Variants in ANK3 observed in about 807,000 individuals in gnomAD.
ANK3 encodes ankyrin-3.
A neutral mutation model predicts 370.9 loss-of-function variants in ANK3; 57 were observed. The ratio of observed to expected loss-of-function variants is 0.15; its 90% confidence interval spans 0.12 to 0.19. The LOEUF (loss-of-function observed/expected upper bound fraction) is 0.19. Among genes scored for constraint, ANK3 ranks in the 10% least tolerant of loss-of-function variants. ANK3 has a pLI of 1.00. For missense variants in ANK3, 4,439 were observed against 5,302.1 expected (o/e 0.84, Z 5.06); for synonymous variants, 1,929 against 1,946.3 (o/e 0.99, Z 0.23).
At chr10:60,427,057 T>C (rs571377309) in intron 2 of ANK3, among the ~76,000 whole-genome samples, 1 of 152,208 alleles carries the variant, frequency 6.6e-6, no homozygotes, top group South Asian at 2.1e-4. Context: ...AAATTGCAAG[T>C]GATAAAGAAG....
chr10:60,285,919 C>T (rs975751735), intron 1 of ANK3, among the ~76,000 whole-genome samples: 5 of 152,146 alleles, frequency 3.3e-5, no homozygotes, highest in African/African-American at 9.6e-5. Context: ...CTCTGATTAC[C>T]TTTTTTTCTT....
chr10:60,057,543 A>C (rs2079450916), intron 41 of ANK3, among the ~76,000 whole-genome samples: 1 of 152,138 alleles, frequency 6.6e-6, no homozygotes, highest in African/African-American at 2.4e-5. Context: ...GCATACTGTG[A>C]AGATCCTGTA....
At chr10:60,319,275 C>T (rs2048117764) in intron 1 of ANK3, among the ~76,000 whole-genome samples, 1 of 152,146 alleles carries the variant, frequency 6.6e-6, no homozygotes, top group African/African-American at 2.4e-5. Flanking sequence ...ATGTAAGGTA[C>T]TCTGGGCAGG....
intron 28 of ANK3, among the ~76,000 whole-genome samples, chr10:60,089,459 T>TGTG (rs2087600385): frequency 1.4e-5 from 2 of 141,648 alleles, no homozygotes; most frequent in African/African-American, 5.3e-5. Context: ...TCCATCCAGG[T>TGTG]TGTGTGTGTG....
intron 8 of ANK3, among the ~76,000 whole-genome samples, chr10:60,222,916 G>A (rs2097086238): frequency 6.6e-6 from 1 of 152,094 alleles, no homozygotes; most frequent in Non-Finnish European, 1.5e-5. Context: ...CCAGACTCCT[G>A]TCTTATTTTC....
At chr10:60,427,357 T>C (rs1015936601) in intron 2 of ANK3, among the ~76,000 whole-genome samples, 1 of 152,116 alleles carries the variant, frequency 6.6e-6, no homozygotes, top group African/African-American at 2.4e-5. Context: ...TGTGGGCATC[T>C]GATGTGAAAG....
In ANK3 at chr10:60,068,687, T is replaced by A; in HGVS notation, c.12194A>T (p.Lys4065Ile). Reference protein sequence around the residue: ...RDKKTEAAPLKSKSEKAGSEK... With the variant: ...RDKKTEAAPLISKSEKAGSEK... ...ACTGCCGGCCTTTTCACTCTTTGAT[T>A]TTAAAGGTGCTGCCTCTGTTTTCTT... Residue 4065 changes from lysine to isoleucine, a missense_variant, in exon 37 of 44, where the codon AAA (lysine) becomes ATA (isoleucine). Coordinates refer to ENST00000280772, the MANE Select transcript of ANK3 (RefSeq NM_020987.5). The A allele has an allele frequency of 6.2e-7, 1 of 1,613,720 alleles. No homozygotes were observed. Among genetic ancestry groups the A allele is most frequent in the Non-Finnish European group, 8.5e-7 (1 of 1,179,806 alleles).
At chr10:60,054,962 C>A (rs182427637) in intron 42 of ANK3, among the ~76,000 whole-genome samples, 3 of 151,712 alleles carry the variant, frequency 2.0e-5, no homozygotes, top group Admixed American at 6.6e-5. Flanking sequence ...ATAGAGTAAA[C>A]CTCAAAGAAA....
At chr10:60,513,286 G>T (rs942655344) in intron 2 of ANK3, among the ~76,000 whole-genome samples, 2 of 152,104 alleles carry the variant, frequency 1.3e-5, no homozygotes, top group Non-Finnish European at 2.9e-5. Flanking sequence ...ATTATAAGAT[G>T]TGGTCATTAC....
intron 1 of ANK3, among the ~76,000 whole-genome samples, chr10:60,370,066 G>C (rs576124175): frequency 6.6e-5 from 10 of 152,186 alleles, no homozygotes; most frequent in Non-Finnish European, 1.3e-4. Context: ...GCATTTTAAT[G>C]TTCTTGCAAA....
chr10:60,136,081 C>T (rs780749093), intron 24 of ANK3, among the ~76,000 whole-genome samples: 3 of 151,754 alleles, frequency 2.0e-5, no homozygotes, highest in Non-Finnish European at 2.9e-5. Flanking sequence ...TCATGGGACC[C>T]ATTACTCTCT....
intron 2 of ANK3, among the ~76,000 whole-genome samples, chr10:60,552,032 T>C (rs2077099405): frequency 6.6e-6 from 1 of 152,154 alleles, no homozygotes; most frequent in African/African-American, 2.4e-5. Context: ...TAACTAAAAT[T>C]TTGAGGCATT....
intron 43 of ANK3, among the ~76,000 whole-genome samples, chr10:60,041,765 C>T (rs4431977): frequency 0.69 from 105,170 of 152,012 alleles, 36,461 homozygotes; most frequent in East Asian, 0.78. Flanking sequence ...TGAGAACTTA[C>T]CTGGGCCTTA....
chr10:60,379,054 C>T (rs1279370594), intron 1 of ANK3, among the ~76,000 whole-genome samples: 2 of 152,022 alleles, frequency 1.3e-5, no homozygotes, highest in Non-Finnish European at 2.9e-5. Context: ...GGCAAATTAT[C>T]TGAATAGACA....
At position 60,708,373 on chromosome 10, in the gene ANK3, C is replaced by A. The variant is rs557059375; in HGVS notation, c.57+24890G>T. Among the ~76,000 whole-genome samples, 19 of 152,238 alleles carry A rather than the reference C, an allele frequency of 1.2e-4. No individual in the cohort carries two copies. In the South Asian group the frequency reaches 3.5e-3, roughly 28 times the overall value. On this transcript the variant is annotated intron_variant, in intron 1 of 43. Coordinates refer to the ANK3 transcript ENST00000373827. ...AGGTACAACACCAAAGGTGAGAAAA[C>A]AAAATCCATGAGAAGAAATGGTCAA...
chr10:60,436,617 C>T (rs2064165692), intron 2 of ANK3, among the ~76,000 whole-genome samples: 1 of 152,088 alleles, frequency 6.6e-6, no homozygotes, highest in South Asian at 2.1e-4. Context: ...TGATAACTAC[C>T]GATTCAAATG....
chr10:60,428,561 C>T (rs370289180), intron 2 of ANK3, among the ~76,000 whole-genome samples: 6 of 152,268 alleles, frequency 3.9e-5, no homozygotes, highest in South Asian at 2.1e-4. Context: ...GTAAGGCAGA[C>T]GCCACAGCCC....
chr10:60,278,977 C>T, intron 3 of ANK3, 73 bp downstream of exon 3: 2 of 1,562,044 alleles, frequency 1.3e-6, no homozygotes, highest in Non-Finnish European at 1.8e-6. Context: ...TATGTGCCCC[C>T]ATTCTTACTG....
chr10:60,202,419 G>A (rs78025156), intron 12 of ANK3, among the ~76,000 whole-genome samples: 9,716 of 152,130 alleles, frequency 0.064, 466 homozygotes, highest in Middle Eastern at 0.1. Flanking sequence ...CACCGTGCCC[G>A]GCCACACTTT....
Sources: allele counts gnomAD v4.1 joint callset (sites outside exome capture counted in the v4.1 genomes callset), GRCh38; gene constraint gnomAD v4.1.1; transcripts MANE v1.5; gene names NCBI Gene and HGNC (gene_info 2026-07-23, HGNC 2026-07-21).